Variants in CALCR observed in about 807,000 individuals in gnomAD.
CALCR encodes calcitonin receptor.
A neutral mutation model predicts 59.5 loss-of-function variants in CALCR; 47 were observed. The ratio of observed to expected loss-of-function variants is 0.79; its 90% confidence interval spans 0.63 to 1.01. The LOEUF is 1.01. Among genes scored for constraint, CALCR ranks in the 50% least tolerant of loss-of-function variants. The pLI is 0.00. For missense variants in CALCR, 566 were observed against 597.1 expected (o/e 0.95, Z 0.54); for synonymous variants, 213 against 211.3 (o/e 1.01, Z -0.07).
At chr7:93,522,412 T>C (rs1801783969) in intron 2 of CALCR, among the ~76,000 whole-genome samples, 1 of 152,174 alleles carries the variant, frequency 6.6e-6, no homozygotes, top group African/African-American at 2.4e-5. Flanking sequence ...TTTGGCCCTC[T>C]AGGTCCTTCA....
chr7:93,426,640 A>G (rs967732073), intron 13 of CALCR, 51 bp from the exon 14 acceptor site: 2 of 940,018 alleles, frequency 2.1e-6, no homozygotes, highest in African/African-American at 3.3e-5. Flanking sequence ...GAAATGATCC[A>G]TGCAAAGTGT....
Position 93,468,225 on chromosome 7 carries a change from T to C in CALCR, c.521+490A>G, listed in dbSNP as rs527241221. Among the ~76,000 whole-genome samples, 9 of 151,958 alleles carry C rather than the reference T, an allele frequency of 5.9e-5. No individual in the cohort carries two copies. The East Asian group carries it at 1.7e-3, about 30-fold the overall frequency. The stretch of plus-strand genomic sequence containing the variant: ...GCACCATAAAACCTAAAGACAAGCA[T>C]TATTTAAATTAGGTTTTGTAGAAAC... On this transcript the variant is annotated intron_variant, in intron 7 of 13. Coordinates refer to ENST00000426151, the MANE Select transcript of CALCR (RefSeq NM_001742.4).
At chr7:93,543,592 G>A (rs933096841) in intron 2 of CALCR, among the ~76,000 whole-genome samples, 1 of 151,900 alleles carries the variant, frequency 6.6e-6, no homozygotes, top group African/African-American at 2.4e-5. Flanking sequence ...ATAATCTTAT[G>A]GGACCACTGT....
At chr7:93,545,528 CA>C (rs1419077331) in intron 2 of CALCR, among the ~76,000 whole-genome samples, 2 of 151,968 alleles carry the variant, frequency 1.3e-5, no homozygotes, top group African/African-American at 4.8e-5. Context: ...GATATTTTGC[CA>C]AAAAATGATG....
At chr7:93,481,769 G>A (rs978945039) in intron 3 of CALCR, among the ~76,000 whole-genome samples, 3 of 151,986 alleles carry the variant, frequency 2.0e-5, no homozygotes, top group African/African-American at 7.2e-5. Flanking sequence ...TAATTTTAAT[G>A]TCTCTTGAAT....
In CALCR at chr7:93,426,274, A is replaced by G; in HGVS notation, c.*82T>C. The G allele has an allele frequency of 1.3e-6, 1 of 787,024 alleles. No homozygotes were observed. The highest frequency in any genetic ancestry group is 2.3e-6 in the Non-Finnish European group (1 of 444,330). 48.8% of individuals were successfully genotyped at this position (787,024 alleles called of 1,614,324 possible). A position where few individuals can be genotyped will look rare whatever the true frequency, so the allele number is the denominator to read the frequency against. Reference sequence around the variant, plus strand: ...ACAAATGATATGTTCGGTTCCTGGGAGGATGGAGAATACTTTAAATGCATG... The same window carrying G: ...ACAAATGATATGTTCGGTTCCTGGGGGGATGGAGAATACTTTAAATGCATG... On this transcript the variant is annotated 3_prime_UTR_variant, in exon 14 of 14. Transcript: ENST00000426151.
chr7:93,516,758 C>T (rs188364993), intron 2 of CALCR, among the ~76,000 whole-genome samples: 102 of 151,708 alleles, frequency 6.7e-4, no homozygotes, highest in Middle Eastern at 3.4e-3. Flanking sequence ...CCAAAATGAT[C>T]GATATATTTC....
chr7:93,468,860 G>A, intron 6 of CALCR, 54 bp from the exon 7 acceptor site: 1 of 852,068 alleles, frequency 1.2e-6, no homozygotes, highest in African/African-American at 1.7e-5. Flanking sequence ...TCATCAGAGA[G>A]AAAATCATTT....
chr7:93,437,917 C>G (rs207468268), intron 11 of CALCR, 143 bp downstream of exon 11: 2 of 783,436 alleles, frequency 2.6e-6, no homozygotes, highest in Non-Finnish European at 4.1e-6. Flanking sequence ...AGTCTAAAAT[C>G]AAATTGCTTT....
chr7:93,565,506 A>G (rs1301018886), intron 2 of CALCR, among the ~76,000 whole-genome samples: 1 of 152,212 alleles, frequency 6.6e-6, no homozygotes, highest in East Asian at 1.9e-4. Flanking sequence ...TAATTTGAAG[A>G]ATATATATTT....
Position 93,426,450 on chromosome 7 carries a change from T to C in CALCR, c.1331A>G (p.His444Arg). The C allele has an allele frequency of 6.2e-7, 1 of 1,613,936 alleles. No individual in the cohort carries two copies. The highest frequency in any genetic ancestry group is 8.5e-7 in the Non-Finnish European group (1 of 1,179,824). ...GGCTGGTTCATTCCTCAGCTCCTGA[T>C]GGCAGATGTAAATTGGGATGTCGCC... ...EAGDIPIYICHQELRNEPANN... is the reference protein window; with the variant it reads ...EAGDIPIYICRQELRNEPANN... The change falls in exon 14 of 14, where the codon CAT (histidine) becomes CGT (arginine). Residue 444 changes from histidine (H) to arginine (R), a missense_variant. Transcript: ENST00000426151.
chr7:93,472,757 C>T (rs926378605), intron 5 of CALCR, among the ~76,000 whole-genome samples: 1 of 149,612 alleles, frequency 6.7e-6, no homozygotes, highest in African/African-American at 2.5e-5. Context: ...AGTCATGGAG[C>T]TTGAGATTGA....
intron 2 of CALCR, among the ~76,000 whole-genome samples, chr7:93,544,354 T>G (rs1159874651): frequency 6.6e-6 from 1 of 152,150 alleles, no homozygotes; most frequent in African/African-American, 2.4e-5. Context: ...TAGGCAAATA[T>G]GGTACTAATT....
chr7:93,534,568 T>G (rs1483481056), intron 2 of CALCR, among the ~76,000 whole-genome samples: 1 of 151,836 alleles, frequency 6.6e-6, no homozygotes, highest in African/African-American at 2.4e-5. Context: ...AAAATTCCAC[T>G]TTTACTAATT....
intron 2 of CALCR, among the ~76,000 whole-genome samples, chr7:93,528,290 T>C (rs548380609): frequency 3.5e-4 from 53 of 152,218 alleles, no homozygotes; most frequent in Non-Finnish European, 5.3e-4. Flanking sequence ...AAAATTTTTT[T>C]ATTATACTTT....
intron 8 of CALCR, among the ~76,000 whole-genome samples, chr7:93,452,387 T>A (rs1372901770): frequency 6.6e-6 from 1 of 151,958 alleles, no homozygotes; most frequent in East Asian, 1.9e-4. Context: ...AAAATACCAG[T>A]TCAGTTGATA....
At chr7:93,562,766 T>C (rs1190332784) in intron 2 of CALCR, among the ~76,000 whole-genome samples, 1 of 152,164 alleles carries the variant, frequency 6.6e-6, no homozygotes, top group Non-Finnish European at 1.5e-5. Flanking sequence ...GGCTCTTCAA[T>C]AAAGAATATC....
intron 2 of CALCR, among the ~76,000 whole-genome samples, chr7:93,552,217 A>G (rs1321361310): frequency 6.6e-6 from 1 of 152,152 alleles, no homozygotes. Flanking sequence ...TAAATGTATT[A>G]CCTAACTTAG....
intron 2 of CALCR, among the ~76,000 whole-genome samples, chr7:93,521,614 T>C (rs1362541761): frequency 1.3e-5 from 2 of 152,156 alleles, no homozygotes; most frequent in Admixed American, 6.6e-5. Flanking sequence ...TTTATTTTTC[T>C]AAACCATTCT....
Sources: gnomAD v4.1 joint callset for allele counts (sites outside exome capture counted in the v4.1 genomes callset) on GRCh38, gnomAD v4.1.1 for gene constraint, MANE v1.5 for transcripts, NCBI Gene and HGNC (gene_info 2026-07-23, HGNC 2026-07-21) for gene names.